CNBD1: variants seen among roughly 807,000 people sequenced by gnomAD.
The protein encoded by CNBD1 is cyclic nucleotide-binding domain-containing protein 1.
Under a neutral mutation model 54.4 loss-of-function variants are expected in CNBD1, and 71 were observed. The observed-to-expected ratio is 1.30, with a 90% confidence interval of 1.08 to 1.59. The LOEUF (loss-of-function observed/expected upper bound fraction) is 1.59, where lower values mean the gene tolerates loss of function less well. Ranked by LOEUF, CNBD1 falls within the 40% of genes most tolerant of loss-of-function variation. CNBD1 has a pLI of 0.00. For missense variants in CNBD1, 659 were observed against 518.0 expected, an observed-to-expected ratio of 1.27 and a Z score of -2.64; for synonymous variants, 182 against 170.7, an observed-to-expected ratio of 1.07 and a Z score of -0.51.
chr8:87,276,999 A>T (rs1808495305), intron 6 of CNBD1, among the ~76,000 whole-genome samples: 1 of 151,562 alleles, frequency 6.6e-6, no homozygotes, highest in African/African-American at 2.4e-5. Flanking sequence ...TTTGAAATAC[A>T]CATCTGGTTG....
chr8:87,375,675 T>A (rs553335688), intron 10 of CNBD1, among the ~76,000 whole-genome samples: 87 of 152,008 alleles, frequency 5.7e-4, no homozygotes, highest in African/African-American at 2.0e-3. Flanking sequence ...AAATTCATTA[T>A]GTCTTGCAAG....
At chr8:87,058,111 A>G (rs1810461544) in intron 4 of CNBD1, among the ~76,000 whole-genome samples, 1 of 152,200 alleles carries the variant, frequency 6.6e-6, no homozygotes, top group South Asian at 2.1e-4. Flanking sequence ...TAGAGGCCCC[A>G]TGCAAGTCCA....
intron 4 of CNBD1, among the ~76,000 whole-genome samples, chr8:86,954,660 A>C (rs999087773): frequency 6.6e-6 from 1 of 152,178 alleles, no homozygotes; most frequent in Non-Finnish European, 1.5e-5. Context: ...AGTAGACTCC[A>C]CTACATGTTA....
chr8:87,130,558 AT>A (rs1407904757), intron 4 of CNBD1, among the ~76,000 whole-genome samples: 2 of 152,030 alleles, frequency 1.3e-5, no homozygotes, highest in African/African-American at 4.8e-5. Flanking sequence ...AGGTGAATTA[AT>A]TGAGCCCAGG....
chr8:86,884,234 T>C (rs1808648875), intron 1 of CNBD1, among the ~76,000 whole-genome samples: 1 of 151,840 alleles, frequency 6.6e-6, no homozygotes, highest in Non-Finnish European at 1.5e-5. Flanking sequence ...ACTGCCCCCA[T>C]TTTCTCTTCT....
At position 86,905,270 on chromosome 8, in the gene CNBD1, A is replaced by G. The variant is rs540271034; in HGVS notation, c.272+76A>G. 2.4e-5 allele frequency: 20 copies of G among 829,448 alleles called. No individual in the cohort carries two copies. The Middle Eastern group carries it at 6.8e-4, about 28-fold the overall frequency. The allele number at this position is 829,448 out of a possible 1,614,324, so 51.4% of individuals were successfully genotyped here. On this transcript the variant is annotated intron_variant, in intron 3 of 10. Coordinates refer to ENST00000518476, the MANE Select transcript of CNBD1 (RefSeq NM_173538.3). ...CTTGTGCTCACACAAGTTGAACTCA[A>G]AACTGAAAATATTTGACCAGTTTCA...
intron 5 of CNBD1, among the ~76,000 whole-genome samples, chr8:87,219,754 C>G (rs1814288679): frequency 6.6e-6 from 1 of 151,920 alleles, no homozygotes; most frequent in Admixed American, 6.6e-5. Flanking sequence ...TGGAATCAGG[C>G]ATATCTACAT....
At chr8:87,409,054 A>T (rs1276006339) in intron 2 of CNBD1, among the ~76,000 whole-genome samples, 1 of 152,148 alleles carries the variant, frequency 6.6e-6, no homozygotes, top group Non-Finnish European at 1.5e-5. Context: ...CATTTCTTTT[A>T]CTTTAAATCA....
chr8:86,891,739 G>A (rs145309973), intron 2 of CNBD1, among the ~76,000 whole-genome samples: 17 of 151,784 alleles, frequency 1.1e-4, no homozygotes, highest in South Asian at 4.2e-4. Context: ...TTCTATTTAC[G>A]TTTTCAATTT....
chr8:87,291,423 C>A (rs1808782074), intron 8 of CNBD1, among the ~76,000 whole-genome samples: 1 of 152,042 alleles, frequency 6.6e-6, no homozygotes, highest in African/African-American at 2.4e-5. Context: ...CTCTGGGGGT[C>A]AAGAAATATT....
At chr8:87,403,304 A>C (rs1165079448) in intron 2 of CNBD1, among the ~76,000 whole-genome samples, 2 of 152,052 alleles carry the variant, frequency 1.3e-5, no homozygotes. Context: ...GGGGCACAGC[A>C]TCAAGCACTA....
chr8:87,049,678 A>C (rs1160110112), intron 4 of CNBD1, among the ~76,000 whole-genome samples: 1 of 152,114 alleles, frequency 6.6e-6, no homozygotes, highest in Non-Finnish European at 1.5e-5. Context: ...GTTTCCTCTG[A>C]GAGGAAAGTG....
intron 4 of CNBD1, among the ~76,000 whole-genome samples, chr8:87,184,357 T>C (rs1332336736): frequency 6.6e-6 from 1 of 152,126 alleles, no homozygotes; most frequent in African/African-American, 2.4e-5. Context: ...ACTGACCGCA[T>C]GGGAAAGACA....
chr8:86,914,645 T>C (rs1809154626), intron 3 of CNBD1, among the ~76,000 whole-genome samples: 1 of 152,168 alleles, frequency 6.6e-6, no homozygotes, highest in Non-Finnish European at 1.5e-5. Context: ...AAGTCAGATA[T>C]ATAATATTAA....
intron 4 of CNBD1, among the ~76,000 whole-genome samples, chr8:87,190,927 T>TTAGATATAGATA (rs1216843555): frequency 1.4e-5 from 2 of 145,602 alleles, no homozygotes; most frequent in Non-Finnish European, 3.0e-5. Flanking sequence ...CTATATCTAT[T>TTAGATATAGATA]TAGATATAGA....
intron 8 of CNBD1, among the ~76,000 whole-genome samples, chr8:87,331,502 G>C (rs1809831459): frequency 6.6e-6 from 1 of 152,146 alleles, no homozygotes; most frequent in Admixed American, 6.5e-5. Flanking sequence ...TTGCTATTGT[G>C]AATAGTGCTG....
At chr8:87,243,556 A>G (rs113142151) in intron 6 of CNBD1, among the ~76,000 whole-genome samples, 29 of 152,278 alleles carry the variant, frequency 1.9e-4, no homozygotes, top group African/African-American at 5.5e-4. Context: ...TCACAGATTC[A>G]TTCCTGGTAT....
At position 87,390,333 on chromosome 8, in the gene CNBD1, T is replaced by A. The variant is rs1473710969; in HGVS notation, c.213+36547T>A. ...GGCAACCTACAGTATGGGAAAAAAT[T>A]TTTGCAATCTACTCATCTGACAAAG... On this transcript the variant is annotated intron_variant, in intron 2 of 7. Coordinates refer to the CNBD1 transcript ENST00000521593. Among the ~76,000 whole-genome samples, 3 of 152,058 alleles carry A rather than the reference T, an allele frequency of 2.0e-5. No homozygotes were observed. The East Asian group carries it at 5.8e-4, about 29-fold the overall frequency.
chr8:87,011,166 T>G (rs991209143), intron 4 of CNBD1, among the ~76,000 whole-genome samples: 2 of 149,980 alleles, frequency 1.3e-5, no homozygotes, highest in African/African-American at 4.9e-5. Flanking sequence ...AAAATGGATG[T>G]TTATTAGAGT....
Sources: gnomAD v4.1 joint callset for allele counts (sites outside exome capture counted in the v4.1 genomes callset) on GRCh38, gnomAD v4.1.1 for gene constraint, MANE v1.5 for transcripts, NCBI Gene and HGNC (gene_info 2026-07-23, HGNC 2026-07-21) for gene names.